Variants in PLEKHA1 observed in about 807,000 individuals in gnomAD.
The protein encoded by PLEKHA1 is pleckstrin homology domain-containing family A member 1.
In PLEKHA1, 34 loss-of-function variants were observed where a neutral mutation model predicts 52.0. The observed-to-expected ratio is 0.65, with a 90% confidence interval of 0.50 to 0.87. PLEKHA1 has a LOEUF of 0.87. Ranked by LOEUF, PLEKHA1 falls within the 40% of genes least tolerant of loss-of-function variation. PLEKHA1 has a pLI of 0.00. For missense variants in PLEKHA1, 497 were observed against 504.2 expected, an observed-to-expected ratio of 0.99 and a Z score of 0.14; for synonymous variants, 163 against 170.7, an observed-to-expected ratio of 0.95 and a Z score of 0.35.
chr10:122,412,769 T>TAACA, intron 5 of PLEKHA1, 151 bp from the exon 6 acceptor site: 1 of 710,212 alleles, frequency 1.4e-6, no homozygotes. Flanking sequence ...AAAATTAGTG[T>TAACA]GATAACTTAA....
chr10:122,387,799 G>A (rs1272988720), intron 1 of PLEKHA1: 1 of 152,230 alleles, frequency 6.6e-6, no homozygotes, highest in Non-Finnish European at 1.5e-5. Context: ...GCTTCTTCAT[G>A]GGACTAGTTG....
chr10:122,376,871 A>G (rs1049389444), intron 1 of PLEKHA1, among the ~76,000 whole-genome samples: 1 of 152,220 alleles, frequency 6.6e-6, no homozygotes. Flanking sequence ...ATCGTTTGCT[A>G]ACATATAGGA....
At chr10:122,422,237 C>T (rs1423907715) in intron 8 of PLEKHA1, 1 of 151,952 alleles carries the variant, frequency 6.6e-6, no homozygotes, top group Non-Finnish European at 1.5e-5. Context: ...ATTTGGCAGC[C>T]ACTAGTAATG....
intron 1 of PLEKHA1, among the ~76,000 whole-genome samples, chr10:122,386,324 A>C (rs1359561251): frequency 6.9e-6 from 1 of 144,872 alleles, no homozygotes; most frequent in Non-Finnish European, 1.5e-5. Context: ...TTTTTTTACC[A>C]TTTTCGTATT....
downstream of PLEKHA1, chr10:122,435,422 C>T (rs964858956): frequency 6.6e-6 from 1 of 152,064 alleles, no homozygotes; most frequent in African/African-American, 2.4e-5. Context: ...GTGGTAATAG[C>T]GCCACCTTCT....
intron 1 of PLEKHA1, among the ~76,000 whole-genome samples, chr10:122,379,579 G>A (rs188257282): frequency 1.4e-3 from 207 of 152,292 alleles, no homozygotes; most frequent in Non-Finnish European, 2.5e-3. Flanking sequence ...TTTTCCCTGC[G>A]TTCTCCCTGA....
intron 1 of PLEKHA1, among the ~76,000 whole-genome samples, chr10:122,380,874 A>C (rs1185165852): frequency 1.3e-5 from 2 of 152,082 alleles, no homozygotes; most frequent in Non-Finnish European, 2.9e-5. Context: ...CATCTATTGC[A>C]CTGAAGAGTT....
chr10:122,415,721 C>T (rs1307349743), intron 6 of PLEKHA1, 138 bp from the exon 7 acceptor site: 1 of 813,898 alleles, frequency 1.2e-6, no homozygotes, highest in Non-Finnish European at 1.8e-6. Flanking sequence ...GTAAGTATCT[C>T]AGATTAATTA....
intron 1 of PLEKHA1, among the ~76,000 whole-genome samples, chr10:122,377,404 A>C (rs562744438): frequency 6.6e-6 from 1 of 152,290 alleles, no homozygotes; most frequent in African/African-American, 2.4e-5. Flanking sequence ...CAAGATTAAA[A>C]AATCTTGTTT....
chr10:122,413,297 A>G (rs1378094663), intron 6 of PLEKHA1, among the ~76,000 whole-genome samples: 1 of 152,122 alleles, frequency 6.6e-6, no homozygotes, highest in African/African-American at 2.4e-5. Context: ...GTTGTATATT[A>G]CATTTTGTAA....
intron 11 of PLEKHA1, 123 bp downstream of exon 11, chr10:122,427,154 C>A: frequency 1.1e-6 from 1 of 881,764 alleles, no homozygotes. Context: ...GACTTTTATA[C>A]CAATTGGACT....
At chr10:122,380,663 A>G (rs1471118885) in intron 1 of PLEKHA1, among the ~76,000 whole-genome samples, 1 of 152,066 alleles carries the variant, frequency 6.6e-6, no homozygotes, top group Non-Finnish European at 1.5e-5. Context: ...TTTGAGTGAG[A>G]TGGGATCCCA....
At chr10:122,387,016 C>T (rs1565138747) in intron 1 of PLEKHA1, 1 of 152,138 alleles carries the variant, frequency 6.6e-6, no homozygotes, top group Non-Finnish European at 1.5e-5. Context: ...CACTTAATGT[C>T]TATAGGGTGT....
At chr10:122,435,667 C>T (rs910784256), downstream of PLEKHA1, 4 of 152,118 alleles carry the variant, frequency 2.6e-5, no homozygotes, top group Admixed American at 6.5e-5. Flanking sequence ...AGTATTTGGT[C>T]CTATTTGGAA....
chr10:122,432,441 A>G (rs1367887867), downstream of PLEKHA1: 2 of 152,248 alleles, frequency 1.3e-5, no homozygotes, highest in South Asian at 2.1e-4. Flanking sequence ...TTCAGTTTAC[A>G]TATTTAAGGA....
chr10:122,376,759 T>C (rs992518735), intron 1 of PLEKHA1, among the ~76,000 whole-genome samples: 2 of 152,164 alleles, frequency 1.3e-5, no homozygotes, highest in Non-Finnish European at 2.9e-5. Context: ...TATACAATTG[T>C]GAGGAAACTG....
chr10:122,400,543 A>G (rs1178382939), intron 4 of PLEKHA1, among the ~76,000 whole-genome samples, 155 bp downstream of exon 4: 1 of 152,138 alleles, frequency 6.6e-6, no homozygotes, highest in Admixed American at 6.5e-5. Context: ...AGGAAATAAC[A>G]TTTTGCACCC....
At chr10:122,418,107 G>C in intron 8 of PLEKHA1, 139 bp downstream of exon 8, 1 of 555,482 alleles carries the variant, frequency 1.8e-6, no homozygotes, top group Non-Finnish European at 3.0e-6. Flanking sequence ...TTATTTGGTT[G>C]TGATGCTTTT....
intron 8 of PLEKHA1, chr10:122,420,569 A>C (rs2097245827): frequency 6.6e-6 from 1 of 152,252 alleles, no homozygotes; most frequent in Non-Finnish European, 1.5e-5. Flanking sequence ...AGATCATTTA[A>C]AAATTTTAAA....
Sources: allele counts gnomAD v4.1 joint callset (sites outside exome capture counted in the v4.1 genomes callset), GRCh38; gene constraint gnomAD v4.1.1; transcripts MANE v1.5; gene names NCBI Gene and HGNC (gene_info 2026-07-23, HGNC 2026-07-21).